Variants in APP observed in about 807,000 individuals in gnomAD.
APP encodes the protein amyloid beta precursor protein.
Under a neutral mutation model 101.4 loss-of-function variants are expected in APP, and 31 were observed. The ratio of observed to expected loss-of-function variants is 0.31; its 90% confidence interval spans 0.23 to 0.41. The LOEUF is 0.41. Among genes scored for constraint, APP ranks in the 10% least tolerant of loss-of-function variants. The probability of loss-of-function intolerance (pLI) is 1.00; values close to 1 mark genes in which losing one functional copy is unlikely to be tolerated. For missense variants in APP, 839 were observed against 1,003.7 expected (o/e 0.84, Z 2.22); for synonymous variants, 366 against 364.4 (o/e 1.00, Z -0.05).
intron 5 of APP, among the ~76,000 whole-genome samples, chr21:26,042,710 T>A (rs2045428222): frequency 6.6e-6 from 1 of 151,948 alleles, no homozygotes; most frequent in Middle Eastern, 3.2e-3. Context: ...GAAAACAGTC[T>A]GGGCAACATA....
At chr21:26,023,056 T>C (rs1000640387) in intron 5 of APP, among the ~76,000 whole-genome samples, 32 of 150,792 alleles carry the variant, frequency 2.1e-4, no homozygotes, top group Non-Finnish European at 4.3e-4. Context: ...CTCACACAGG[T>C]GGAAGATGAA....
At chr21:25,964,410 A>C (rs2146526910) in intron 11 of APP, among the ~76,000 whole-genome samples, 1 of 152,298 alleles carries the variant, frequency 6.6e-6, no homozygotes, top group East Asian at 1.9e-4. Context: ...AAAACAACAG[A>C]AATTGCAGAA....
intron 1 of APP, among the ~76,000 whole-genome samples, chr21:26,140,670 G>A (rs2146307623): frequency 6.6e-6 from 1 of 152,304 alleles, no homozygotes; most frequent in African/African-American, 2.4e-5. Context: ...CACAACACAG[G>A]AACTTGTTAG....
At position 26,105,473 on chromosome 21, in the gene APP, C is replaced by T. The variant is rs79712502; in HGVS notation, c.225+6506G>A. 6.3e-4 allele frequency among the ~76,000 whole-genome samples: 96 copies of T among 151,968 alleles called. No individual in the cohort carries two copies. The East Asian group carries it at 0.016, about 25-fold the overall frequency. On this transcript the variant is annotated intron_variant, in intron 2 of 17. Coordinates refer to ENST00000346798, the MANE Select transcript of APP (RefSeq NM_000484.4). ...ATTGTGAGAGTATTCTTTTCCTTGCCGTTCCTAGCAATGAATCCATCAATA... is the reference window on the plus strand; with the variant it reads ...ATTGTGAGAGTATTCTTTTCCTTGCTGTTCCTAGCAATGAATCCATCAATA...
intron 1 of APP, among the ~76,000 whole-genome samples, chr21:26,168,111 A>G (rs957516373): frequency 2.6e-5 from 4 of 152,178 alleles, no homozygotes; most frequent in African/African-American, 9.7e-5. Flanking sequence ...AAATAAATAA[A>G]TAAATATTAG....
intron 8 of APP, among the ~76,000 whole-genome samples, chr21:25,991,254 C>T (rs1400604820): frequency 6.6e-6 from 1 of 150,874 alleles, no homozygotes; most frequent in Non-Finnish European, 1.5e-5. Flanking sequence ...AACTCTCAGA[C>T]ATCACCACTA....
intron 6 of APP, among the ~76,000 whole-genome samples, chr21:26,012,156 T>C (rs1183112827): frequency 6.6e-6 from 1 of 151,836 alleles, no homozygotes; most frequent in Non-Finnish European, 1.5e-5. Flanking sequence ...TATAAGCCTG[T>C]GACACTACAG....
intron 13 of APP, chr21:25,941,408 A>G (rs923316347): frequency 1.3e-5 from 2 of 152,374 alleles, no homozygotes; most frequent in South Asian, 4.1e-4. Flanking sequence ...TAAACTAAGA[A>G]AAAAATACGC....
chr21:26,152,896 T>C (rs2063307090), intron 1 of APP, among the ~76,000 whole-genome samples: 1 of 152,196 alleles, frequency 6.6e-6, no homozygotes, highest in African/African-American at 2.4e-5. Flanking sequence ...CCAACCTAAG[T>C]GGCCACTGAC....
At chr21:25,954,507 T>A in intron 13 of APP, 83 bp downstream of exon 13, 1 of 1,228,154 alleles carries the variant, frequency 8.1e-7, no homozygotes, top group East Asian at 2.4e-5. Flanking sequence ...TCCATATTCC[T>A]CAAACAGATA....
chr21:26,129,850 CA>C (rs1199242449), intron 1 of APP, among the ~76,000 whole-genome samples: 1 of 152,166 alleles, frequency 6.6e-6, no homozygotes, highest in East Asian at 1.9e-4. Context: ...CATTTTCACA[CA>C]AGTGAAAGAG....
chr21:25,912,555 G>A (rs1045119169), intron 13 of APP, among the ~76,000 whole-genome samples: 3 of 152,066 alleles, frequency 2.0e-5, no homozygotes, highest in African/African-American at 7.2e-5. Context: ...TATGCTCTGA[G>A]GCAACAAGGA....
Position 25,911,885 on chromosome 21 carries a change from C to T in APP, c.1765G>A (p.Gly589Arg), listed in dbSNP as rs755645885. ...NMISEPRISY[G>R]NDALMPSLTE... is the part of the protein sequence containing the mutation. The stretch of plus-strand genomic sequence containing the variant: ...AAAGATGGCATGAGAGCATCGTTTC[C>T]GTAACTGATCCTTGGTTCACTAATC... Residue 589 changes from glycine (G) to arginine (R), a missense_variant, in exon 14 of 18, where the codon GGA becomes AGA. By Grantham distance (125) the Gly-to-Arg change is moderately radical. Transcript: ENST00000346798. The T allele has an allele frequency of 1.8e-5, 29 of 1,614,066 alleles. No homozygotes were observed. Among genetic ancestry groups the T allele is most frequent in the African/African-American group, 5.3e-5 (4 of 74,930 alleles).
intron 1 of APP, among the ~76,000 whole-genome samples, chr21:26,128,450 C>T (rs1569008588): frequency 1.3e-5 from 2 of 152,146 alleles, no homozygotes; most frequent in African/African-American, 4.8e-5. Context: ...TTTGTTTCTA[C>T]ACAGAACTTC....
At chr21:26,166,785 A>G (rs2063620321) in intron 1 of APP, among the ~76,000 whole-genome samples, 1 of 152,042 alleles carries the variant, frequency 6.6e-6, no homozygotes, top group Non-Finnish European at 1.5e-5. Context: ...TCCTGCATTC[A>G]GCCCCTTACC....
chr21:26,041,532 C>T (rs1448024319), intron 5 of APP, among the ~76,000 whole-genome samples: 1 of 152,116 alleles, frequency 6.6e-6, no homozygotes, highest in East Asian at 1.9e-4. Flanking sequence ...ATAATCCAAC[C>T]CTCCAAATAA....
intron 9 of APP, among the ~76,000 whole-genome samples, chr21:25,979,041 A>G (rs1054076933): frequency 6.6e-6 from 1 of 151,118 alleles, no homozygotes; most frequent in Non-Finnish European, 1.5e-5. Context: ...TAGTAAGTTT[A>G]TAAGTAATAA....
At chr21:26,020,731 CAGAACTCTTTA>C (rs2146773997) in intron 6 of APP, among the ~76,000 whole-genome samples, 1 of 152,274 alleles carries the variant, frequency 6.6e-6, no homozygotes, top group Admixed American at 6.5e-5. Context: ...ATATGAAATG[CAGAACTCTTTA>C]AGGAACAAAT....
intron 1 of APP, among the ~76,000 whole-genome samples, chr21:26,161,943 T>C (rs4817090): frequency 0.27 from 41,494 of 152,018 alleles, 7,018 homozygotes; most frequent in East Asian, 0.44. Flanking sequence ...AAAAAATCAA[T>C]AAATACAGTT....
Sources: gnomAD v4.1 joint callset for allele counts (sites outside exome capture counted in the v4.1 genomes callset) on GRCh38, gnomAD v4.1.1 for gene constraint, MANE v1.5 for transcripts, NCBI Gene and HGNC (gene_info 2026-07-23, HGNC 2026-07-21) for gene names.